Variants in SCAPER observed in about 807,000 individuals in gnomAD.
The protein encoded by SCAPER is S phase cyclin A-associated protein in the endoplasmic reticulum.
Under a neutral mutation model 182.2 loss-of-function variants are expected in SCAPER, and 98 were observed. The ratio of observed to expected loss-of-function variants is 0.54; its 90% CI spans 0.46 to 0.64. The LOEUF (loss-of-function observed/expected upper bound fraction) is 0.64, where lower values mean the gene tolerates loss of function less well. Among genes scored for constraint, SCAPER ranks in the 30% least tolerant of loss-of-function variants. SCAPER has a pLI of 0.00. For missense variants in SCAPER, 1,432 were observed against 1,690.0 expected, an observed-to-expected ratio of 0.85 and a Z score of 2.68; for synonymous variants, 605 against 564.6, an observed-to-expected ratio of 1.07 and a Z score of -1.01.
chr15:76,883,741 A>T (rs1220070694), intron 2 of SCAPER, 71 bp downstream of exon 2: 5 of 1,246,828 alleles, frequency 4.0e-6, no homozygotes, highest in Non-Finnish European at 4.4e-6. Flanking sequence ...CTATTACATT[A>T]AAAAAGATAA....
Position 76,434,097 on chromosome 15 carries a change from G to A in SCAPER, c.3292C>T (p.Arg1098Ter), listed in dbSNP as rs1386676665. Reference protein sequence around the residue: ...KPSQGDPFNNRVQDLISYVVN... With the variant: ...KPSQGDPFNN The stretch of plus-strand genomic sequence containing the variant: ...TTTTACCTGATAAGGTCCTGAACTC[G>A]ATTGTTAAAAGGATCACCTTGTGAG... Residue 1098 changes from arginine to a stop codon, truncating the protein, a stop_gained, in exon 26 of 32, where the codon CGA becomes TGA. Transcript: ENST00000563290. LOFTEE classifies it high-confidence loss of function. 4 of 1,613,608 alleles carry A rather than the reference G, an allele frequency of 2.5e-6. No individual in the cohort carries two copies. Among genetic ancestry groups the A allele is most frequent in the Admixed American group, 3.3e-5 (2 of 59,978 alleles).
intron 23 of SCAPER, among the ~76,000 whole-genome samples, chr15:76,572,919 T>TCTCTCTCACACA (rs1477852757): frequency 1.5e-5 from 2 of 135,174 alleles, no homozygotes; most frequent in African/African-American, 5.6e-5. Context: ...TCTCTCTCTC[T>TCTCTCTCACACA]CACACACACA....
chr15:76,884,019 A>G, intron 1 of SCAPER, 143 bp from the exon 2 acceptor site: 1 of 514,640 alleles, frequency 1.9e-6, no homozygotes, highest in Non-Finnish European at 3.4e-6. Flanking sequence ...GTTGGGGTAT[A>G]ATATAGCATG....
chr15:76,540,416 T>C (rs1289198011), intron 23 of SCAPER, among the ~76,000 whole-genome samples: 1 of 152,092 alleles, frequency 6.6e-6, no homozygotes, highest in African/African-American at 2.4e-5. Flanking sequence ...AAATTTTCTT[T>C]TAAAAATCCA....
intron 20 of SCAPER, among the ~76,000 whole-genome samples, chr15:76,671,800 C>T (rs1442326560): frequency 1.3e-5 from 2 of 151,536 alleles, no homozygotes; most frequent in African/African-American, 2.4e-5. Flanking sequence ...GGTGGACAAA[C>T]TACCATCAGA....
intron 23 of SCAPER, among the ~76,000 whole-genome samples, chr15:76,517,558 C>T (rs933104153): frequency 2.0e-5 from 3 of 151,918 alleles, no homozygotes; most frequent in Non-Finnish European, 4.4e-5. Flanking sequence ...CACATATTGG[C>T]CAAGCTGGTC....
chr15:76,436,391 C>T (rs954967712), intron 25 of SCAPER, among the ~76,000 whole-genome samples: 1 of 152,118 alleles, frequency 6.6e-6, no homozygotes, highest in Non-Finnish European at 1.5e-5. Flanking sequence ...TGAACCTAGA[C>T]TGAGCTTCTA....
intron 8 of SCAPER, among the ~76,000 whole-genome samples, chr15:76,783,866 G>A (rs2064361931): frequency 6.6e-6 from 1 of 152,128 alleles, no homozygotes; most frequent in Admixed American, 6.5e-5. Flanking sequence ...AATAAACTAG[G>A]TATTGATGGG....
chr15:76,513,436 G>T (rs2042195864), intron 23 of SCAPER, among the ~76,000 whole-genome samples: 2 of 152,124 alleles, frequency 1.3e-5, no homozygotes, highest in Non-Finnish European at 2.9e-5. Context: ...GGAAAATCAA[G>T]CTGTCTCAAT....
chr15:76,473,626 G>C (rs929193009), intron 24 of SCAPER, among the ~76,000 whole-genome samples: 1 of 152,156 alleles, frequency 6.6e-6, no homozygotes, highest in African/African-American at 2.4e-5. Context: ...TTGGGAACTT[G>C]TAAGAAATGC....
intron 23 of SCAPER, among the ~76,000 whole-genome samples, chr15:76,544,693 G>A (rs1301739040): frequency 6.6e-6 from 1 of 152,150 alleles, no homozygotes; most frequent in African/African-American, 2.4e-5. Flanking sequence ...CTGGCAATGG[G>A]TACAGGGTTT....
intron 14 of SCAPER, among the ~76,000 whole-genome samples, chr15:76,756,967 T>C (rs1298141031): frequency 1.3e-5 from 2 of 151,842 alleles, no homozygotes; most frequent in Admixed American, 6.6e-5. Context: ...GATCAATAGT[T>C]ATTCTGCTCT....
intron 24 of SCAPER, among the ~76,000 whole-genome samples, chr15:76,496,876 TTACTA>T (rs2040598242): frequency 1.3e-5 from 2 of 152,148 alleles, no homozygotes; most frequent in African/African-American, 4.8e-5. Flanking sequence ...AAAATAATCT[TTACTA>T]TATGTATCTG....
Position 76,703,022 on chromosome 15 carries a change from G to A in SCAPER, c.2248-20C>T, listed in dbSNP as rs200363328. On this transcript the variant is annotated intron_variant, in intron 18 of 31. Coordinates refer to ENST00000563290, the MANE Select transcript of SCAPER (RefSeq NM_020843.4). ...ATCATGCTGTAGATGAAGTCAAAGT[G>A]CAAGAATTTCAAAAATTATTCAAAT... 13 of 1,508,528 alleles carry A rather than the reference G, an allele frequency of 8.6e-6. No homozygotes were observed. 93.4% of individuals were successfully genotyped at this position (1,508,528 alleles called of 1,614,324 possible).
intron 5 of SCAPER, among the ~76,000 whole-genome samples, chr15:76,827,069 A>T (rs1191198916): frequency 6.6e-6 from 1 of 152,092 alleles, no homozygotes; most frequent in Non-Finnish European, 1.5e-5. Context: ...AATGAATTAG[A>T]CAAAAAAAAG....
rs953929812 is a variant in SCAPER, at chr15:76,758,798, T to C, written c.1726-4850A>G. On this transcript the variant is annotated intron_variant, in intron 14 of 31. Coordinates refer to ENST00000563290, the MANE Select transcript of SCAPER (RefSeq NM_020843.4). ...ATTTTCACTATACAAGTGATTCAACTCCCTGCTTAAGTTAATTCCTAAGTA... is the reference window on the plus strand; with the variant it reads ...ATTTTCACTATACAAGTGATTCAACCCCCTGCTTAAGTTAATTCCTAAGTA... Among the ~76,000 whole-genome samples the C allele has an allele frequency of 1.2e-4, 19 of 152,304 alleles. 1 individual carries two copies. Among genetic ancestry groups the C allele is most frequent in the African/African-American group, 4.1e-4 (17 of 41,588 alleles).
At chr15:76,424,988 C>T (rs1256946386) in intron 26 of SCAPER, among the ~76,000 whole-genome samples, 1 of 152,218 alleles carries the variant, frequency 6.6e-6, no homozygotes, top group Non-Finnish European at 1.5e-5. Flanking sequence ...GAGAGATCAG[C>T]TGTTAGTCTG....
intron 21 of SCAPER, among the ~76,000 whole-genome samples, chr15:76,659,764 T>C (rs978131602): frequency 3.3e-5 from 5 of 152,202 alleles, no homozygotes; most frequent in African/African-American, 1.2e-4. Flanking sequence ...AATGCTTATA[T>C]ACTGTTGGTG....
intron 7 of SCAPER, among the ~76,000 whole-genome samples, chr15:76,797,820 G>C (rs1424332387): frequency 6.6e-6 from 1 of 151,720 alleles, no homozygotes; most frequent in African/African-American, 2.4e-5. Context: ...GTTAAGTGTA[G>C]CACTAAACTA....
Sources: gnomAD v4.1 joint callset for allele counts (sites outside exome capture counted in the v4.1 genomes callset) on GRCh38, gnomAD v4.1.1 for gene constraint, MANE v1.5 for transcripts, NCBI Gene and HGNC (gene_info 2026-07-23, HGNC 2026-07-21) for gene names.